The following CDH23 variants were observed in gnomAD, a reference collection of about 807,000 sequenced individuals.
CDH23 encodes cadherin related 23.
Under a neutral mutation model 317.1 loss-of-function variants are expected in CDH23, and 189 were observed. The ratio of observed to expected loss-of-function variants is 0.60; its 90% CI spans 0.53 to 0.67. The LOEUF is 0.67. Ranked by LOEUF, CDH23 falls within the 30% of genes least tolerant of loss-of-function variation. The pLI is 0.00. For missense variants in CDH23, 4,401 were observed against 4,592.4 expected, an observed-to-expected ratio of 0.96 and a Z score of 1.20; for synonymous variants, 1,839 against 1,876.8, an observed-to-expected ratio of 0.98 and a Z score of 0.52.
At position 71,814,984 on chromosome 10, in the gene CDH23, A is replaced by C. The variant is rs373249121; in HGVS notation, c.9771A>C (p.Gly3257=). The change falls in exon 70 of 70, where the codon GGA becomes GGC. Residue 3257 remains glycine, a synonymous_variant. Coordinates refer to ENST00000224721, the MANE Select transcript of CDH23 (RefSeq NM_022124.6). Reference sequence around the variant, plus strand: ...AGACTGAGCTGGACGAGGAGCCAGGAGACCACAGCCCAGGGCAGGGTAGCC... The same window carrying C: ...AGACTGAGCTGGACGAGGAGCCAGGCGACCACAGCCCAGGGCAGGGTAGCC... The part of the protein sequence containing the change: ...LIQTELDEEP[G]DHSPGQGSLR... 84 of 1,612,376 alleles carry C rather than the reference A, an allele frequency of 5.2e-5. No homozygotes were observed. Among genetic ancestry groups the C allele is most frequent in the Non-Finnish European group, 5.0e-5 (59 of 1,179,614 alleles).
chr10:71,480,416 G>A (rs778205007), intron 3 of CDH23, among the ~76,000 whole-genome samples: 4 of 152,254 alleles, frequency 2.6e-5, no homozygotes, highest in Non-Finnish European at 5.9e-5. Context: ...GTCGGACGGG[G>A]GCTAGACTAA....
In CDH23 at chr10:71,776,838, T is replaced by C. The variant is rs564212317; in HGVS notation, c.4846-842T>C. On this transcript the variant is annotated intron_variant, in intron 38 of 69. Coordinates refer to ENST00000224721, the MANE Select transcript of CDH23 (RefSeq NM_022124.6). ...TTTCATCTTCAGCCAGGGCCTCCCA[T>C]TGGCCACACCCAGCAGGAAGCTGGA... Among the ~76,000 whole-genome samples, 21 of 152,314 alleles carry C rather than the reference T, an allele frequency of 1.4e-4. No homozygotes were observed. In the South Asian group the frequency reaches 3.5e-3, roughly 26 times the overall value.
intron 11 of CDH23, among the ~76,000 whole-genome samples, chr10:71,627,954 TGGTGCCCCTTCGTTGTG>T (rs1257610573): frequency 6.6e-6 from 1 of 152,200 alleles, no homozygotes; most frequent in Non-Finnish European, 1.5e-5. Flanking sequence ...GTACCCTCCC[TGGTGCCCCTTCGTTGTG>T]GGTGCCAGTG....
At chr10:71,746,128 CAGGGGAAGG>C (rs915112313) in intron 38 of CDH23, among the ~76,000 whole-genome samples, 4 of 152,200 alleles carry the variant, frequency 2.6e-5, no homozygotes, top group African/African-American at 9.6e-5. Context: ...TACGGTCTGG[CAGGGGAAGG>C]CACATGTACT....
At chr10:71,785,154 G>A in intron 43 of CDH23, 54 bp downstream of exon 43, 1 of 1,490,636 alleles carries the variant, frequency 6.7e-7, no homozygotes. Flanking sequence ...TGAAAAAGAG[G>A]ACCCTGCCCT....
intron 1 of CDH23, among the ~76,000 whole-genome samples, chr10:71,401,194 G>C (rs531686875): frequency 6.6e-6 from 1 of 152,302 alleles, no homozygotes; most frequent in African/African-American, 2.4e-5. Flanking sequence ...ACGCTGCTCA[G>C]GAGTCGTCAA....
intron 1 of CDH23, among the ~76,000 whole-genome samples, chr10:71,420,481 G>GATGGTGATGGTGATGATGATGGTGATA (rs1564568709): frequency 7.0e-6 from 1 of 142,624 alleles, no homozygotes. Flanking sequence ...TGATGATGAT[G>GATGGTGATGGTGATGATGATGGTGATA]GTGATGGTGA....
chr10:71,779,516 G>A, intron 41 of CDH23, 69 bp downstream of exon 41: 1 of 1,382,038 alleles, frequency 7.2e-7, no homozygotes, highest in South Asian at 1.5e-5. Flanking sequence ...AGGATAAGAA[G>A]GGAGGTCTCA....
In CDH23 at chr10:71,811,567, CAT is replaced by C; in HGVS notation, c.9256_9257del (p.Met3086GlufsTer33). On this transcript the variant is annotated frameshift_variant, in exon 64 of 70. Coordinates refer to ENST00000224721, the MANE Select transcript of CDH23 (RefSeq NM_022124.6). LOFTEE classifies it high-confidence loss of function. Reference protein sequence around the residue: ...LFLAAMLFVLMNWYYRTVHKR... With the variant: ...LFLAAMLFVLXNWYYRTVHKR... ...TCCTGGCCGCCATGCTCTTTGTCCT[CAT>C]GAACTGGTACTACAGGACTGTGTGA... 6.2e-7 allele frequency: 1 copy of C among 1,613,960 alleles called. No homozygotes were observed. Among genetic ancestry groups the C allele is most frequent in the Non-Finnish European group, 8.5e-7 (1 of 1,179,894 alleles).
In CDH23 at chr10:71,570,864, C is replaced by A. The variant is rs752101206; in HGVS notation, c.699C>A (p.Asp233Glu). 1.2e-6 allele frequency: 2 copies of A among 1,613,984 alleles called. No individual in the cohort carries two copies. Among genetic ancestry groups the A allele is most frequent in the Non-Finnish European group, 8.5e-7 (1 of 1,179,864 alleles). Residue 233 changes from aspartate (D) to glutamate (E), a missense_variant, in exon 8 of 70, where the codon GAC (aspartate) becomes GAA (glutamate). By Grantham distance (45) the Asp-to-Glu change is conservative. Coordinates refer to ENST00000224721, the MANE Select transcript of CDH23 (RefSeq NM_022124.6). ...TCATCACAGATGTCCAGGACATGGACCCCATCTTCATCAACCTGCCTTACA... is the reference window on the plus strand; with the variant it reads ...TCATCACAGATGTCCAGGACATGGAACCCATCTTCATCAACCTGCCTTACA... ...AIIITDVQDMDPIFINLPYST... is the reference protein window; with the variant it reads ...AIIITDVQDMEPIFINLPYST...
At chr10:71,524,438 G>A (rs1854903115) in intron 6 of CDH23, among the ~76,000 whole-genome samples, 1 of 152,212 alleles carries the variant, frequency 6.6e-6, no homozygotes, top group African/African-American at 2.4e-5. Context: ...GCCAGGCCGT[G>A]GGAGAAGGGC....
chr10:71,509,922 A>T (rs1478561977), intron 3 of CDH23, 160 bp from the exon 4 acceptor site: 2 of 711,588 alleles, frequency 2.8e-6, no homozygotes, highest in East Asian at 2.7e-5. Flanking sequence ...TACCTGGATC[A>T]GAGCTCCCAG....
chr10:71,426,362 G>A (rs1393528284), intron 1 of CDH23, among the ~76,000 whole-genome samples: 2 of 152,216 alleles, frequency 1.3e-5, no homozygotes, highest in African/African-American at 2.4e-5. Context: ...CAGGACCTGG[G>A]GTCTTCCTTT....
intron 17 of CDH23, among the ~76,000 whole-genome samples, chr10:71,681,804 G>A (rs1201385375): frequency 6.6e-6 from 1 of 152,214 alleles, no homozygotes; most frequent in Non-Finnish European, 1.5e-5. Context: ...AATAAATAAA[G>A]GAGAAGGGAG....
chr10:71,432,342 G>GT (rs141213300), intron 1 of CDH23, among the ~76,000 whole-genome samples: 12 of 146,816 alleles, frequency 8.2e-5, no homozygotes, highest in African/African-American at 2.3e-4. Context: ...GTGTGTGTGC[G>GT]GTGTGTGAGT....
rs1317912458 is a variant in CDH23, at chr10:71,505,344, T to C, written c.146-4738T>C. Among the ~76,000 whole-genome samples the C allele has an allele frequency of 1.5e-4, 23 of 152,186 alleles. 1 individual carries two copies. The highest frequency in any genetic ancestry group is 1.5e-3 in the Admixed American group (23 of 15,278). ...AGGATTCCAAATTCTTGGAATTTTA[T>C]CTAGAAAAGAAGACTAAGCAGCTTT... On this transcript the variant is annotated intron_variant, in intron 3 of 69. Coordinates refer to ENST00000224721, the MANE Select transcript of CDH23 (RefSeq NM_022124.6).
At chr10:71,537,362 G>GGA (rs1190095431) in intron 6 of CDH23, among the ~76,000 whole-genome samples, 2 of 152,200 alleles carry the variant, frequency 1.3e-5, no homozygotes, top group Non-Finnish European at 2.9e-5. Context: ...GACACGGTGG[G>GGA]GAGGGGTAGT....
intron 1 of CDH23, among the ~76,000 whole-genome samples, chr10:71,422,923 G>A (rs1315379179): frequency 6.6e-6 from 1 of 152,196 alleles, no homozygotes; most frequent in East Asian, 1.9e-4. Context: ...CAGAGCAGAG[G>A]GGCAAAGCCT....
rs747409066 is a variant in CDH23, at chr10:71,815,019, G to A, written c.9806G>A (p.Arg3269His). ...CCAGGGCAGGGTAGCCTGCGCTTCC[G>A]CCACAAGCCACCAGTGGAGCTCAAG... ...HSPGQGSLRF[R>H]HKPPVELKGP... The change falls in exon 70 of 70, where the codon CGC becomes CAC. Residue 3269 changes from arginine (R) to histidine (H), a missense_variant. Coordinates refer to ENST00000224721, the MANE Select transcript of CDH23 (RefSeq NM_022124.6). The A allele has an allele frequency of 1.2e-5, 19 of 1,612,398 alleles. No homozygotes were observed. The highest frequency in any genetic ancestry group is 5.0e-5 in the Admixed American group (3 of 59,942).
Sources: gnomAD v4.1 joint callset for allele counts (sites outside exome capture counted in the v4.1 genomes callset) on GRCh38, gnomAD v4.1.1 for gene constraint, MANE v1.5 for transcripts, NCBI Gene and HGNC (gene_info 2026-07-23, HGNC 2026-07-21) for gene names.